The following FANCA variants were observed in gnomAD, a reference collection of about 807,000 sequenced individuals.
The protein encoded by FANCA is Fanconi anemia group A protein.
A neutral mutation model predicts 194.3 loss-of-function variants in FANCA; 236 were observed. The observed-to-expected ratio is 1.21, with a 90% confidence interval of 1.09 to 1.35. The LOEUF (loss-of-function observed/expected upper bound fraction) is 1.35, where lower values mean the gene tolerates loss of function less well. Ranked by LOEUF, FANCA falls within the 40% of genes most tolerant of loss-of-function variation. The probability of loss-of-function intolerance (pLI) is 0.00; values close to 1 mark genes in which losing one functional copy is unlikely to be tolerated. For missense variants in FANCA, 2,628 were observed against 1,813.9 expected (o/e 1.45, Z -8.15); for synonymous variants, 1,014 against 715.8 (o/e 1.42, Z -6.65).
At chr16:89,815,823 C>T in intron 2 of FANCA, 54 bp downstream of exon 2, 1 of 1,387,870 alleles carries the variant, frequency 7.2e-7, no homozygotes, top group Non-Finnish European at 1.0e-6. Flanking sequence ...GGTGGCTGGA[C>T]TCAAAAACCC....
At chr16:89,812,666 A>AAAAAAAAAAAC (rs1256354674) in intron 3 of FANCA, among the ~76,000 whole-genome samples, 7 of 147,888 alleles carry the variant, frequency 4.7e-5, no homozygotes, top group African/African-American at 1.3e-4. Context: ...AAAAAAAAAA[A>AAAAAAAAAAAC]AAAACTGTTA....
rs1057524800 is a variant in FANCA at position 89,784,903 on chromosome 16, A to C, written c.1421T>G (p.Phe474Cys). ...GCSKKALVFL[F>C]TFLSELVPFE... ...AGGCACGAGTTCTGACAAGAACGTA[A>C]ACAGGAAGACCAGGGCCTTCTTGCT... Residue 474 changes from phenylalanine (F) to cysteine (C), a missense_variant, in exon 15 of 43, where the codon TTT becomes TGT. Coordinates refer to ENST00000389301, the MANE Select transcript of FANCA (RefSeq NM_000135.4). The C allele has an allele frequency of 3.1e-6, 5 of 1,614,042 alleles. No individual in the cohort carries two copies. Among genetic ancestry groups the C allele is most frequent in the African/African-American group, 2.7e-5 (2 of 74,920 alleles).
chr16:89,814,546 T>G lies in FANCA; in HGVS notation c.257A>C (p.Tyr86Ser). The G allele has an allele frequency of 6.2e-7, 1 of 1,613,500 alleles. No individual in the cohort carries two copies. The highest frequency in any genetic ancestry group is 1.3e-5 in the African/African-American group (1 of 75,046). Residue 86 changes from tyrosine (Y) to serine (S), a missense_variant, in exon 3 of 43, where the codon TAT (tyrosine) becomes TCT (serine). Physicochemically the swap from Tyr to Ser is moderately radical, Grantham distance 144. Coordinates refer to ENST00000389301, the MANE Select transcript of FANCA (RefSeq NM_000135.4). ...KVIDCDSSEA[Y>S]ANHSSSFIGS... ...TATAAATGAACTAGAATGATTAGCA[T>G]AGGCCTCAGAACTGTCACAGTCAAT...
intron 8 of FANCA, among the ~76,000 whole-genome samples, chr16:89,799,937 T>C (rs1264466020): frequency 6.6e-6 from 1 of 152,074 alleles, no homozygotes; most frequent in African/African-American, 2.4e-5. Flanking sequence ...GAGCTTCCAG[T>C]GAGCTGAGAT....
At chr16:89,800,213 G>C (rs568513304) in intron 8 of FANCA, among the ~76,000 whole-genome samples, 55 of 152,222 alleles carry the variant, frequency 3.6e-4, no homozygotes, top group South Asian at 8.3e-4. Context: ...TCAGTGAAGA[G>C]AGGAAAGCTC....
chr16:89,808,370 G>GAA lies in FANCA; in HGVS notation c.523-5_523-4dup, dbSNP rs2143657729. 1.2e-6 allele frequency: 2 copies of GAA among 1,613,842 alleles called. No individual in the cohort carries two copies. Among genetic ancestry groups the GAA allele is most frequent in the Non-Finnish European group, 1.7e-6 (2 of 1,179,930 alleles). On this transcript the variant is annotated splice_polypyrimidine_tract_variant and splice_region_variant and intron_variant, in intron 5 of 42. Transcript: ENST00000389301. Reference sequence around the variant, plus strand: ...ACCGCTTCAAGCAACAAAGAACTCTGAAAAACAAAACAAAACAAACAAAAA... The same window carrying GAA: ...ACCGCTTCAAGCAACAAAGAACTCTGAAAAAAACAAAACAAAACAAACAAAAA...
chr16:89,815,758 T>G (rs966722702), intron 2 of FANCA, 119 bp downstream of exon 2: 1 of 837,784 alleles, frequency 1.2e-6, no homozygotes, highest in African/African-American at 1.7e-5. Context: ...CCCTCCCCTC[T>G]GCGGGCCAGG....
intron 35 of FANCA, 151 bp downstream of exon 35, chr16:89,746,433 G>C (rs917362040): frequency 4.2e-6 from 3 of 709,440 alleles, no homozygotes; most frequent in Non-Finnish European, 7.6e-6. Context: ...CTATGAGCTG[G>C]CATCTTTAAC....
At chr16:89,760,275 G>T (rs1261860275) in intron 29 of FANCA, among the ~76,000 whole-genome samples, 2 of 152,230 alleles carry the variant, frequency 1.3e-5, no homozygotes, top group Non-Finnish European at 2.9e-5. Context: ...GGCTTGGCAC[G>T]ACCTGAACCA....
chr16:89,815,335 CTTTTTTTTTTT>C (rs562815235), intron 2 of FANCA, among the ~76,000 whole-genome samples: 9 of 66,538 alleles, frequency 1.4e-4, no homozygotes, highest in East Asian at 5.4e-4. Context: ...CCACGCCCGG[CTTTTTTTTTTT>C]TTTTTTTTTT....
At chr16:89,787,295 G>A (rs1021060163) in intron 14 of FANCA, among the ~76,000 whole-genome samples, 5 of 152,112 alleles carry the variant, frequency 3.3e-5, no homozygotes, top group Admixed American at 1.3e-4. Flanking sequence ...AGGCTGAGGC[G>A]GGCAGATCAC....
chr16:89,747,193 G>A (rs994628685), intron 33 of FANCA, among the ~76,000 whole-genome samples: 19 of 152,216 alleles, frequency 1.2e-4, no homozygotes, highest in African/African-American at 2.9e-4. Context: ...CACCCGGAGC[G>A]TAGAACTGTG....
Position 89,765,058 on chromosome 16 carries a change from G to T in FANCA, c.2610C>A (p.Phe870Leu), listed in dbSNP as rs201160735. ...CCTCTGAGAACAATCTGAACATGAG[G>T]AACTGAAACTGAAACAGAGAGTGAC... ...LSPGLIKKFQ[F>L]LMFRLFSEAR... Residue 870 changes from phenylalanine to leucine, a missense_variant, in exon 28 of 43, where the codon TTC becomes TTA. By Grantham distance (22) the Phe-to-Leu change is conservative. Transcript: ENST00000389301. The T allele has an allele frequency of 6.2e-7, 1 of 1,614,022 alleles. No homozygotes were observed. Among genetic ancestry groups the T allele is most frequent in the Admixed American group, 1.7e-5 (1 of 59,996 alleles).
intron 31 of FANCA, among the ~76,000 whole-genome samples, chr16:89,750,792 C>T (rs907224194): frequency 6.6e-6 from 1 of 150,714 alleles, no homozygotes; most frequent in Non-Finnish European, 1.5e-5. Flanking sequence ...AACAAAACAA[C>T]AACAAAAAAA....
chr16:89,768,726 C>T (rs1125012), intron 26 of FANCA, among the ~76,000 whole-genome samples: 1 of 152,100 alleles, frequency 6.6e-6, no homozygotes. Flanking sequence ...TTCATTCTCC[C>T]TTTCTTATGC....
intron 12 of FANCA, 91 bp downstream of exon 12, chr16:89,792,380 C>T: frequency 7.4e-7 from 1 of 1,359,932 alleles, no homozygotes; most frequent in Non-Finnish European, 1.1e-6. Flanking sequence ...TCTCGATGTG[C>T]CGTCCACGGC....
In FANCA at chr16:89,752,118, T is replaced by G; in HGVS notation, c.3066+20A>C. On this transcript the variant is annotated intron_variant, in intron 31 of 42. Transcript: ENST00000389301. Reference sequence around the variant, plus strand: ...CTTAAATGAAGTGAATGCACTGAGTTGTGGCACCCTCAAACTCACCTGCAA... The same window carrying G: ...CTTAAATGAAGTGAATGCACTGAGTGGTGGCACCCTCAAACTCACCTGCAA... 6.2e-7 allele frequency: 1 copy of G among 1,608,578 alleles called. No homozygotes were observed. Among genetic ancestry groups the G allele is most frequent in the Non-Finnish European group, 8.5e-7 (1 of 1,174,944 alleles).
Position 89,740,031 on chromosome 16 carries a change from C to A in FANCA, c.3897G>T (p.Lys1299Asn). 1 of 1,614,182 alleles carries A rather than the reference C, an allele frequency of 6.2e-7. No homozygotes were observed. Among genetic ancestry groups the A allele is most frequent in the Non-Finnish European group, 8.5e-7 (1 of 1,180,036 alleles). ...ACTGAAAGAGTGCCAGCCAGGATAT[C>A]TTCCTCTTCTCTAAACACTCGAGGA... is the stretch of plus-strand genomic sequence containing the variant. ...AAILECLEKR[K>N]ISWLALFQLT... The change falls in exon 39 of 43, where the codon AAG (lysine) becomes AAT (asparagine). Residue 1299 changes from lysine to asparagine, a missense_variant. Coordinates refer to ENST00000389301, the MANE Select transcript of FANCA (RefSeq NM_000135.4).
Position 89,738,400 on chromosome 16 carries a change from T to G in FANCA, c.*201A>C. 4 of 1,381,462 alleles carry G rather than the reference T, an allele frequency of 2.9e-6. No individual in the cohort carries two copies. The highest frequency in any genetic ancestry group is 3.9e-6 in the Non-Finnish European group (4 of 1,024,372). 85.6% of individuals were successfully genotyped at this position (1,381,462 alleles called of 1,614,324 possible). On this transcript the variant is annotated 3_prime_UTR_variant, in exon 43 of 43. Coordinates refer to ENST00000389301, the MANE Select transcript of FANCA (RefSeq NM_000135.4). ...TGGTGTCCGGCTCAAGTAGCCTTCC[T>G]CTGCTCTGGGACCAGTGGTTTATTT...
Sources: allele counts gnomAD v4.1 joint callset (sites outside exome capture counted in the v4.1 genomes callset), GRCh38; gene constraint gnomAD v4.1.1; transcripts MANE v1.5; gene names NCBI Gene and HGNC (gene_info 2026-07-23, HGNC 2026-07-21).